NR6A1: variants seen among roughly 807,000 people sequenced by gnomAD.
The protein encoded by NR6A1 is nuclear receptor subfamily 6 group A member 1.
A neutral mutation model predicts 59.1 loss-of-function variants in NR6A1; 7 were observed. The observed-to-expected ratio is 0.12, with a 90% CI of 0.07 to 0.22. The LOEUF (loss-of-function observed/expected upper bound fraction) is 0.22, where lower values mean the gene tolerates loss of function less well. Among genes scored for constraint, NR6A1 ranks in the 10% least tolerant of loss-of-function variants. The pLI is 1.00. For missense variants in NR6A1, 468 were observed against 611.6 expected, an observed-to-expected ratio of 0.77 and a Z score of 2.48; for synonymous variants, 243 against 236.1, an observed-to-expected ratio of 1.03 and a Z score of -0.27.
intron 2 of NR6A1, among the ~76,000 whole-genome samples, chr9:124,651,935 C>T (rs952373748): frequency 6.6e-6 from 1 of 152,114 alleles, no homozygotes; most frequent in Middle Eastern, 3.4e-3. Context: ...CAAAGAGGCC[C>T]AAAAGCTTGA....
At chr9:124,738,358 C>A (rs967873139) in intron 1 of NR6A1, among the ~76,000 whole-genome samples, 1 of 149,980 alleles carries the variant, frequency 6.7e-6, no homozygotes, top group African/African-American at 2.5e-5. Flanking sequence ...TTAAACAGAT[C>A]AGGAAATTTT....
At chr9:124,696,085 G>T (rs1838748227) in intron 2 of NR6A1, among the ~76,000 whole-genome samples, 1 of 152,298 alleles carries the variant, frequency 6.6e-6, no homozygotes, top group Non-Finnish European at 1.5e-5. Flanking sequence ...ATAGTCCAGA[G>T]ACTGTATTAG....
At chr9:124,718,803 CTT>C (rs11316308) in intron 2 of NR6A1, among the ~76,000 whole-genome samples, 29,271 of 64,762 alleles carry the variant, frequency 0.45, 6,699 homozygotes, top group Admixed American at 0.54. Context: ...AAATTGTTAC[CTT>C]TTTTTTTTTT....
At chr9:124,595,519 CTCT>C (rs1309010299) in intron 2 of NR6A1, among the ~76,000 whole-genome samples, 1 of 152,122 alleles carries the variant, frequency 6.6e-6, no homozygotes, top group Non-Finnish European at 1.5e-5. Flanking sequence ...CTTTCTTCTG[CTCT>C]TCATCAACCA....
intron 1 of NR6A1, among the ~76,000 whole-genome samples, chr9:124,750,911 A>C (rs1334636118): frequency 2.0e-5 from 3 of 152,304 alleles, no homozygotes; most frequent in African/African-American, 4.8e-5. Context: ...ATTAAAACAC[A>C]GTCTCCTAAA....
At chr9:124,666,272 G>GTTTTTTTTTT (rs1588760705) in intron 2 of NR6A1, among the ~76,000 whole-genome samples, 2 of 127,826 alleles carry the variant, frequency 1.6e-5, no homozygotes, top group African/African-American at 7.8e-5. Flanking sequence ...CCTCTATGTG[G>GTTTTTTTTTT]TTCTTTTTTT....
chr9:124,580,636 A>G (rs1378522490), intron 2 of NR6A1, among the ~76,000 whole-genome samples: 1 of 152,134 alleles, frequency 6.6e-6, no homozygotes, highest in Non-Finnish European at 1.5e-5. Flanking sequence ...CTTGGTCAAC[A>G]TGGTGAATTC....
chr9:124,539,924 T>C (rs1332107273), intron 5 of NR6A1, 109 bp downstream of exon 5: 12 of 1,293,906 alleles, frequency 9.3e-6, no homozygotes, highest in Non-Finnish European at 1.2e-5. Flanking sequence ...GGAGCAACAG[T>C]ACAATGGCTG....
chr9:124,768,986 G>C (rs1230195488), intron 1 of NR6A1, among the ~76,000 whole-genome samples: 1 of 152,136 alleles, frequency 6.6e-6, no homozygotes, highest in African/African-American at 2.4e-5. Flanking sequence ...AAAAAAATCA[G>C]CATGGGAAAA....
chr9:124,601,296 A>G (rs1835440391), intron 2 of NR6A1, among the ~76,000 whole-genome samples: 1 of 151,352 alleles, frequency 6.6e-6, no homozygotes, highest in Non-Finnish European at 1.5e-5. Context: ...AACAAACAAA[A>G]AAGACTGGCC....
At chr9:124,748,083 A>G (rs1840385070) in intron 1 of NR6A1, among the ~76,000 whole-genome samples, 1 of 152,242 alleles carries the variant, frequency 6.6e-6, no homozygotes. Context: ...CTCTCTTTAT[A>G]CAGAGATGCA....
chr9:124,600,047 A>G (rs1429688136), intron 2 of NR6A1, among the ~76,000 whole-genome samples: 1 of 152,202 alleles, frequency 6.6e-6, no homozygotes, highest in Admixed American at 6.5e-5. Flanking sequence ...TTTCTGCCTT[A>G]TTTGTTTTTA....
intron 2 of NR6A1, among the ~76,000 whole-genome samples, chr9:124,657,141 CCTCTT>C (rs1837283071): frequency 6.6e-6 from 1 of 152,112 alleles, no homozygotes; most frequent in Non-Finnish European, 1.5e-5. Context: ...GTGCTCATCT[CCTCTT>C]CTTTCGAACA....
chr9:124,623,218 T>A (rs1836129637), intron 2 of NR6A1, among the ~76,000 whole-genome samples: 1 of 152,044 alleles, frequency 6.6e-6, no homozygotes, highest in East Asian at 1.9e-4. Context: ...GTGTCAAGAC[T>A]TGATCTTTGG....
chr9:124,668,971 A>G (rs568085282), intron 2 of NR6A1, among the ~76,000 whole-genome samples: 15 of 152,240 alleles, frequency 9.9e-5, no homozygotes, highest in Admixed American at 6.5e-4. Flanking sequence ...TGAAATAAAC[A>G]TAAGTAGGGA....
intron 2 of NR6A1, among the ~76,000 whole-genome samples, chr9:124,720,483 A>T (rs10123221): frequency 0.037 from 5,649 of 152,310 alleles, 336 homozygotes; most frequent in African/African-American, 0.13. Flanking sequence ...AAAGATCTTT[A>T]ACACTGTATT....
chr9:124,547,497 C>T (rs1833633970), intron 3 of NR6A1, among the ~76,000 whole-genome samples: 2 of 152,176 alleles, frequency 1.3e-5, no homozygotes, highest in South Asian at 4.1e-4. Context: ...TCTGTCTCTG[C>T]ATATGTTGCC....
chr9:124,559,711 A>G (rs1298749207), intron 2 of NR6A1, among the ~76,000 whole-genome samples: 1 of 152,208 alleles, frequency 6.6e-6, no homozygotes, highest in Non-Finnish European at 1.5e-5. Context: ...TGGAACACAG[A>G]GGTTGCAGTG....
intron 2 of NR6A1, chr9:124,598,960 G>A: frequency 1.1e-5 from 8 of 715,398 alleles, no homozygotes; most frequent in South Asian, 8.7e-5. Flanking sequence ...CATTACCCAC[G>A]TTGGGTTTCA....
Sources: gnomAD v4.1 joint callset for allele counts (sites outside exome capture counted in the v4.1 genomes callset) on GRCh38, gnomAD v4.1.1 for gene constraint, MANE v1.5 for transcripts, NCBI Gene and HGNC (gene_info 2026-07-23, HGNC 2026-07-21) for gene names.